Variants in TNR observed in about 807,000 individuals in gnomAD.
The protein encoded by TNR is tenascin R.
Under a neutral mutation model 150.4 loss-of-function variants are expected in TNR, and 45 were observed. The observed-to-expected ratio is 0.30, with a 90% CI of 0.24 to 0.38. The LOEUF (loss-of-function observed/expected upper bound fraction) is 0.38. TNR is among the 10% of genes least tolerant of loss of function. The pLI is 1.00. For synonymous variants in TNR, 687 were observed against 678.4 expected, an observed-to-expected ratio of 1.01 and a Z score of -0.20; for missense variants, 1,544 against 1,759.1, an observed-to-expected ratio of 0.88 and a Z score of 2.19.
intron 1 of TNR, among the ~76,000 whole-genome samples, chr1:175,558,275 T>TAA (rs977358731): frequency 1.4e-5 from 2 of 144,484 alleles, no homozygotes; most frequent in African/African-American, 5.0e-5. Context: ...AGTATAATAA[T>TAA]AAAAAAAAAA....
chr1:175,440,506 A>G (rs535644137), intron 2 of TNR, among the ~76,000 whole-genome samples: 5 of 152,104 alleles, frequency 3.3e-5, no homozygotes, highest in Non-Finnish European at 5.9e-5. Context: ...GTGCACATGT[A>G]CCCTAAAACT....
At chr1:175,411,632 G>C (rs902603923) in intron 2 of TNR, among the ~76,000 whole-genome samples, 11 of 151,456 alleles carry the variant, frequency 7.3e-5, no homozygotes, top group Non-Finnish European at 8.8e-5. Context: ...ACTCCCGTCT[G>C]TGCCTCTGTC....
intron 9 of TNR, among the ~76,000 whole-genome samples, chr1:175,377,920 TGG>T (rs1368317373): frequency 6.6e-6 from 1 of 152,180 alleles, no homozygotes; most frequent in East Asian, 1.9e-4. Flanking sequence ...TTCTACTCTT[TGG>T]TGAGTTTGGG....
intron 1 of TNR, among the ~76,000 whole-genome samples, chr1:175,657,881 A>G (rs5020489): frequency 0.12 from 12,281 of 102,846 alleles, 1,917 homozygotes; most frequent in Non-Finnish European, 0.18. Context: ...ATATATATAT[A>G]TATGTAACAA....
In TNR at chr1:175,331,078, C is replaced by CTCTTTCTTTCTTTCTTTCTTTCTTTCT. The variant is rs1649825771; in HGVS notation, c.3632-844_3632-843insAGAAAGAAAGAAAGAAAGAAAGAAAGA. On this transcript the variant is annotated intron_variant, in intron 20 of 22. Transcript: ENST00000367674. The stretch of plus-strand genomic sequence containing the variant: ...CTTTCTTTCTTTCTTTCTTTCTTTC[C>CTCTTTCTTTCTTTCTTTCTTTCTTTCT]TTCTTTCTTTCTTTCTTTCTTTCTC... Among the ~76,000 whole-genome samples, 2 of 59,916 alleles carry CTCTTTCTTTCTTTCTTTCTTTCTTTCT rather than the reference C, an allele frequency of 3.3e-5. 1 individual carries two copies. Among genetic ancestry groups the CTCTTTCTTTCTTTCTTTCTTTCTTTCT allele is most frequent in the African/African-American group, 1.3e-4 (2 of 15,814 alleles). The allele number at this position is 59,916 out of a possible 152,430, so 39.3% of individuals were successfully genotyped here. A position where few individuals can be genotyped will look rare whatever the true frequency, so the allele number is the denominator to read the frequency against.
At chr1:175,563,122 C>T (rs538620895) in intron 1 of TNR, among the ~76,000 whole-genome samples, 5 of 152,278 alleles carry the variant, frequency 3.3e-5, no homozygotes, top group South Asian at 4.2e-4. Context: ...GACATTGGCA[C>T]GGGCCTGAAA....
intron 8 of TNR, among the ~76,000 whole-genome samples, chr1:175,381,421 AG>A (rs1304909798): frequency 6.6e-6 from 1 of 152,164 alleles, no homozygotes; most frequent in Non-Finnish European, 1.5e-5. Context: ...TTTTGATCAT[AG>A]GGGTTGTGGT....
chr1:175,627,929 G>A (rs1462981551), intron 1 of TNR, among the ~76,000 whole-genome samples: 1 of 152,174 alleles, frequency 6.6e-6, no homozygotes, highest in Non-Finnish European at 1.5e-5. Context: ...GAAGAAGCCA[G>A]CAGTCTCAGC....
chr1:175,342,958 G>GC (rs58502678), intron 18 of TNR, among the ~76,000 whole-genome samples: 152,332 of 152,334 alleles, frequency 1, 76,165 homozygotes, highest in Non-Finnish European at 1. Flanking sequence ...ACTGGCAGTT[G>GC]CAGCCTGGCC....
At chr1:175,630,479 G>A (rs1239539135) in intron 1 of TNR, among the ~76,000 whole-genome samples, 1 of 152,220 alleles carries the variant, frequency 6.6e-6, no homozygotes, top group African/African-American at 2.4e-5. Flanking sequence ...CATGGGGTTA[G>A]GCGCTGTACA....
intron 2 of TNR, among the ~76,000 whole-genome samples, chr1:175,445,480 A>C (rs1471961445): frequency 1.3e-5 from 2 of 152,190 alleles, no homozygotes; most frequent in African/African-American, 4.8e-5. Context: ...GAAAATTTTC[A>C]ACAATAAATT....
chr1:175,721,530 T>C (rs1667300442), intron 1 of TNR, among the ~76,000 whole-genome samples: 1 of 152,124 alleles, frequency 6.6e-6, no homozygotes. Context: ...TAACTGACTC[T>C]CTTGAAACCC....
chr1:175,492,371 G>A (rs2102140668), intron 2 of TNR, among the ~76,000 whole-genome samples: 1 of 152,324 alleles, frequency 6.6e-6, no homozygotes, highest in African/African-American at 2.4e-5. Context: ...TGGGTTTTCT[G>A]ATAGGCTAGC....
At chr1:175,543,817 A>G (rs911152747) in intron 1 of TNR, among the ~76,000 whole-genome samples, 3 of 152,146 alleles carry the variant, frequency 2.0e-5, no homozygotes, top group African/African-American at 7.2e-5. Flanking sequence ...AGATGCCCAG[A>G]CTATACTCTG....
At chr1:175,355,775 C>G (rs150822812) in intron 16 of TNR, 142 bp from the exon 17 acceptor site, 3 of 1,148,544 alleles carry the variant, frequency 2.6e-6, no homozygotes, top group African/African-American at 3.1e-5. Flanking sequence ...TGGAAAGGAG[C>G]ATAAAGGGTG....
chr1:175,459,028 C>T (rs963916949), intron 2 of TNR, among the ~76,000 whole-genome samples: 3 of 151,934 alleles, frequency 2.0e-5, no homozygotes, highest in Admixed American at 2.0e-4. Flanking sequence ...TCATTAACAA[C>T]ATCACTGTTG....
rs145307525 is a variant in TNR, at chr1:175,711,393, C to A, written c.-165+31833G>T. 1.4e-4 allele frequency among the ~76,000 whole-genome samples: 22 copies of A among 152,216 alleles called. No homozygotes were observed. The East Asian group carries it at 4.1e-3, about 28-fold the overall frequency. On this transcript the variant is annotated intron_variant, in intron 1 of 22. Transcript: ENST00000367674. ...GAGCATGCCTGCCACATTCAAGGAA[C>A]AGGAAGGAGGCCAGTGTGGCAGGAG... is the stretch of plus-strand genomic sequence containing the variant.
rs559653529 is a variant in TNR, at chr1:175,350,992, G to C, written c.3382+3399C>G. Among the ~76,000 whole-genome samples the C allele has an allele frequency of 2.0e-5, 3 of 152,312 alleles. No homozygotes were observed. In the South Asian group the frequency reaches 6.2e-4, roughly 32 times the overall value. On this transcript the variant is annotated intron_variant, in intron 18 of 22. Coordinates refer to ENST00000367674, the MANE Select transcript of TNR (RefSeq NM_003285.3). ...CTGCTAAGTGGGAAAGTCAGGTACTGTCAATGAAGTTGGAAAGGATGCTAA... is the reference window on the plus strand; with the variant it reads ...CTGCTAAGTGGGAAAGTCAGGTACTCTCAATGAAGTTGGAAAGGATGCTAA...
intron 1 of TNR, among the ~76,000 whole-genome samples, chr1:175,583,661 G>T (rs1411061410): frequency 2.6e-5 from 4 of 152,164 alleles, no homozygotes; most frequent in African/African-American, 2.4e-5. Context: ...GTGGAAACAA[G>T]CAAGGCAAAA....
Sources: gnomAD v4.1 joint callset for allele counts (sites outside exome capture counted in the v4.1 genomes callset) on GRCh38, gnomAD v4.1.1 for gene constraint, MANE v1.5 for transcripts, NCBI Gene and HGNC (gene_info 2026-07-23, HGNC 2026-07-21) for gene names.